The following GNAL variants were observed in gnomAD, a reference collection of about 807,000 sequenced individuals.
GNAL encodes the protein G protein subunit alpha L.
Under a neutral mutation model 55.1 loss-of-function variants are expected in GNAL, and 18 were observed. That is an observed-to-expected ratio of 0.33 (90% confidence interval 0.23 to 0.48). The LOEUF (loss-of-function observed/expected upper bound fraction) is 0.48. Among genes scored for constraint, GNAL ranks in the 20% least tolerant of loss-of-function variants. The pLI, the probability that GNAL is intolerant of heterozygous loss-of-function variation, is 0.99. For missense variants in GNAL, 412 were observed against 614.1 expected (o/e 0.67, Z 3.48); for synonymous variants, 253 against 237.0 (o/e 1.07, Z -0.62).
chr18:11,735,632 G>A (rs1420207342), intron 1 of GNAL, among the ~76,000 whole-genome samples: 2 of 151,868 alleles, frequency 1.3e-5, no homozygotes, highest in Non-Finnish European at 2.9e-5. Context: ...TGCACCTGTA[G>A]TAACAGCTAC....
intron 6 of GNAL, among the ~76,000 whole-genome samples, chr18:11,863,022 GTGCT>G (rs2143842458): frequency 6.6e-6 from 1 of 152,158 alleles, no homozygotes; most frequent in East Asian, 1.9e-4. Context: ...GGGATTACAG[GTGCT>G]TGCCACCTCG....
At chr18:11,852,197 C>T in intron 5 of GNAL, 1 of 1,425,816 alleles carries the variant, frequency 7.0e-7, no homozygotes, top group Non-Finnish European at 9.3e-7. Context: ...ACCCTAGAAA[C>T]TCTGAACACG....
intron 10 of GNAL, among the ~76,000 whole-genome samples, chr18:11,875,582 C>T (rs1326904341): frequency 6.6e-6 from 1 of 152,074 alleles, no homozygotes; most frequent in Admixed American, 6.6e-5. Flanking sequence ...CCTCCCCCAT[C>T]TCTCTCTCGC....
intron 1 of GNAL, among the ~76,000 whole-genome samples, chr18:11,690,424 C>A (rs9652928): frequency 0.16 from 24,931 of 152,064 alleles, 3,364 homozygotes; most frequent in African/African-American, 0.37. Flanking sequence ...TGGGTGTGGC[C>A]TGCTGCCTTT....
intron 4 of GNAL, among the ~76,000 whole-genome samples, chr18:11,770,929 T>C (rs2033612967): frequency 6.6e-6 from 1 of 152,144 alleles, no homozygotes; most frequent in South Asian, 2.1e-4. Flanking sequence ...ATAAATATTA[T>C]CATGGCCAGG....
chr18:11,758,277 C>T (rs1018303493), intron 4 of GNAL, among the ~76,000 whole-genome samples: 1 of 152,098 alleles, frequency 6.6e-6, no homozygotes, highest in African/African-American at 2.4e-5. Flanking sequence ...TTAGCAAAGG[C>T]TTTTCAAGCA....
At chr18:11,873,355 A>G (rs1033697382) in intron 10 of GNAL, among the ~76,000 whole-genome samples, 12 of 152,232 alleles carry the variant, frequency 7.9e-5, no homozygotes, top group African/African-American at 2.9e-4. Flanking sequence ...AAGTATATTC[A>G]TAGTAAAATC....
At chr18:11,864,397 T>C (rs1477337617) in intron 6 of GNAL, 136 bp from the exon 7 acceptor site, 6 of 680,036 alleles carry the variant, frequency 8.8e-6, no homozygotes, top group Non-Finnish European at 1.7e-5. Context: ...TCGGCCAATG[T>C]TGGTTCTTAA....
chr18:11,753,248 T>C (rs567797068), intron 2 of GNAL, among the ~76,000 whole-genome samples: 1 of 152,338 alleles, frequency 6.6e-6, no homozygotes, highest in African/African-American at 2.4e-5. Flanking sequence ...TTTGTTTGCA[T>C]CTATTTCAGT....
chr18:11,736,090 G>C (rs1204180442), intron 1 of GNAL, among the ~76,000 whole-genome samples: 3 of 152,158 alleles, frequency 2.0e-5, no homozygotes, highest in Non-Finnish European at 2.9e-5. Flanking sequence ...CAGAGGGAGA[G>C]ACTTCTTTTA....
intron 1 of GNAL, among the ~76,000 whole-genome samples, chr18:11,750,161 G>C (rs1473588063): frequency 1.3e-5 from 2 of 152,196 alleles, no homozygotes; most frequent in Non-Finnish European, 2.9e-5. Flanking sequence ...GTAACTGTTG[G>C]GGTTTGTAAG....
chr18:11,854,703 C>G (rs1328508097), intron 5 of GNAL, among the ~76,000 whole-genome samples: 1 of 151,994 alleles, frequency 6.6e-6, no homozygotes, highest in African/African-American at 2.4e-5. Flanking sequence ...ATTGCTTGAA[C>G]CTGGGAGGCG....
At chr18:11,773,020 T>C (rs1019717824) in intron 4 of GNAL, among the ~76,000 whole-genome samples, 2 of 152,136 alleles carry the variant, frequency 1.3e-5, no homozygotes, top group Non-Finnish European at 2.9e-5. Flanking sequence ...CAGGCTCAGG[T>C]CTGCACCTGC....
chr18:11,739,574 G>C (rs2032531897), intron 1 of GNAL, among the ~76,000 whole-genome samples: 1 of 152,130 alleles, frequency 6.6e-6, no homozygotes. Flanking sequence ...TCCAGGATTG[G>C]AGGTATTGCA....
chr18:11,790,102 T>A (rs1465704839), intron 4 of GNAL, among the ~76,000 whole-genome samples: 1 of 152,188 alleles, frequency 6.6e-6, no homozygotes, highest in Non-Finnish European at 1.5e-5. Context: ...CAATGAGATG[T>A]CAAATGTATT....
chr18:11,741,480 G>T (rs1456696471), intron 1 of GNAL, among the ~76,000 whole-genome samples: 2 of 152,144 alleles, frequency 1.3e-5, no homozygotes, highest in African/African-American at 2.4e-5. Flanking sequence ...CTGTGCTCCC[G>T]CTGTAATCGT....
rs2032810440 is a variant in GNAL at position 11,751,084 on chromosome 18, G to C, written c.377-1769G>C. On this transcript the variant is annotated intron_variant, in intron 1 of 11. Transcript: ENST00000334049. The surrounding 1 kb of genome is among the most constrained non-coding windows in gnomAD (Gnocchi z 4.5). ...TTCTTGGAAGGTGGAGGCACTCGAC[G>C]ACAGAGCTGAGCAAAGGCAAGTTAG... Among the ~76,000 whole-genome samples the C allele has an allele frequency of 6.6e-6, 1 of 152,132 alleles. No homozygotes were observed. The highest frequency in any genetic ancestry group is 2.1e-4 in the South Asian group (1 of 4,832).
At chr18:11,768,688 A>C in intron 4 of GNAL, among the ~76,000 whole-genome samples, 1 of 150,374 alleles carries the variant, frequency 6.7e-6, no homozygotes, top group African/African-American at 2.4e-5. Context: ...AGGTCAGGAG[A>C]TCAAGAACAT....
At chr18:11,753,218 T>G (rs1598429861) in intron 2 of GNAL, among the ~76,000 whole-genome samples, 1 of 65,996 alleles carries the variant, frequency 1.5e-5, no homozygotes, top group South Asian at 4.7e-4. Context: ...TCTCGATATA[T>G]TTTTTTCAAT....
Sources: allele counts gnomAD v4.1 joint callset (sites outside exome capture counted in the v4.1 genomes callset), GRCh38; gene constraint gnomAD v4.1.1; non-coding constraint Gnocchi (gnomAD v3.1); transcripts MANE v1.5; gene names NCBI Gene and HGNC (gene_info 2026-07-23, HGNC 2026-07-21).